Variants in CDH12 observed in about 807,000 individuals in gnomAD.
CDH12 encodes the protein cadherin-12.
In CDH12, 41 loss-of-function variants were observed where a neutral mutation model predicts 74.1. That is an observed-to-expected ratio of 0.55 (90% CI 0.43 to 0.72). The LOEUF (loss-of-function observed/expected upper bound fraction) is 0.72. Ranked by LOEUF, CDH12 falls within the 30% of genes least tolerant of loss-of-function variation. The pLI, the probability that CDH12 is intolerant of heterozygous loss-of-function variation, is 0.00. For missense variants in CDH12, 945 were observed against 977.2 expected (o/e 0.97, Z 0.44); for synonymous variants, 399 against 355.0 (o/e 1.12, Z -1.39).
intron 5 of CDH12, among the ~76,000 whole-genome samples, chr5:21,994,951 T>A (rs1328187861): frequency 1.3e-5 from 2 of 152,120 alleles, no homozygotes; most frequent in African/African-American, 2.4e-5. Context: ...GGGGTCCTCT[T>A]CTACACTGTG....
chr5:22,368,958 G>A (rs1316781173), intron 3 of CDH12, among the ~76,000 whole-genome samples: 4 of 151,868 alleles, frequency 2.6e-5, no homozygotes, highest in Non-Finnish European at 5.9e-5. Flanking sequence ...GTGAAACCCC[G>A]TCTCTACTAA....
In CDH12 at chr5:21,751,609, A is replaced by AAAGAGTGTGTGT. The variant is rs1554025828; in HGVS notation, c.*127_*128insACACACACTCTT. ...GGTAATCAAAGGAATCTTGTCCCAGAGTGTGTGTGTGTGTGTGTGTGTTTG... is the reference window on the plus strand; with the variant it reads ...GGTAATCAAAGGAATCTTGTCCCAGAAAGAGTGTGTGTGTGTGTGTGTGTGTGTGTGTGTTTG... On this transcript the variant is annotated 3_prime_UTR_variant, in exon 15 of 15. Transcript: ENST00000382254. The AAAGAGTGTGTGT allele has an allele frequency of 3.7e-4, 206 of 556,104 alleles. No homozygotes were observed. Among genetic ancestry groups the AAAGAGTGTGTGT allele is most frequent in the African/African-American group, 3.6e-3 (143 of 39,914 alleles). The allele number at this position is 556,104 out of a possible 1,614,324, so 34.4% of individuals were successfully genotyped here. A position where few individuals can be genotyped will look rare whatever the true frequency, so the allele number is the denominator to read the frequency against.
chr5:22,357,521 A>C (rs1740615805), intron 3 of CDH12, among the ~76,000 whole-genome samples: 1 of 152,160 alleles, frequency 6.6e-6, no homozygotes, highest in Non-Finnish European at 1.5e-5. Flanking sequence ...CTACCTAATG[A>C]AGGAATGGAG....
chr5:22,420,768 TA>T (rs1252131635), intron 2 of CDH12, among the ~76,000 whole-genome samples: 2 of 152,188 alleles, frequency 1.3e-5, no homozygotes, highest in South Asian at 2.1e-4. Flanking sequence ...ATTGAATCTA[TA>T]AATTACTTTC....
intron 6 of CDH12, among the ~76,000 whole-genome samples, chr5:21,920,202 T>C (rs539036126): frequency 1.6e-3 from 245 of 152,208 alleles, no homozygotes; most frequent in Non-Finnish European, 1.9e-3. Context: ...TTGGGATACA[T>C]CCATGAATAA....
At chr5:22,039,317 T>TA (rs1243742603) in intron 5 of CDH12, among the ~76,000 whole-genome samples, 1 of 152,096 alleles carries the variant, frequency 6.6e-6, no homozygotes, top group Non-Finnish European at 1.5e-5. Context: ...TCAAAAGCTA[T>TA]AATCTATACT....
At chr5:22,622,463 A>T (rs1738026362) in intron 1 of CDH12, among the ~76,000 whole-genome samples, 1 of 152,126 alleles carries the variant, frequency 6.6e-6, no homozygotes, top group Non-Finnish European at 1.5e-5. Context: ...CCCCAGATAC[A>T]TGCAATAAAA....
chr5:21,958,634 T>G (rs1445663722), intron 6 of CDH12, among the ~76,000 whole-genome samples: 2 of 152,148 alleles, frequency 1.3e-5, no homozygotes, highest in East Asian at 3.9e-4. Context: ...GGGTTCTTTA[T>G]TCTGTTCTAT....
intron 1 of CDH12, among the ~76,000 whole-genome samples, chr5:22,782,226 A>T (rs1237089657): frequency 6.6e-6 from 1 of 152,078 alleles, no homozygotes; most frequent in Non-Finnish European, 1.5e-5. Context: ...AGAACATGAG[A>T]TTTGGGAGGG....
At chr5:22,250,873 G>C (rs1018417977) in intron 3 of CDH12, among the ~76,000 whole-genome samples, 15 of 152,138 alleles carry the variant, frequency 9.9e-5, no homozygotes, top group African/African-American at 3.6e-4. Flanking sequence ...GATTATGACA[G>C]TGAATATAGG....
intron 1 of CDH12, among the ~76,000 whole-genome samples, chr5:22,713,584 GCGTA>G (rs1177436689): frequency 7.3e-6 from 1 of 137,882 alleles, no homozygotes; most frequent in African/African-American, 2.7e-5. Flanking sequence ...AATACACACT[GCGTA>G]AGTGTTTTCA....
At chr5:22,248,871 CAAAT>C (rs1189067050) in intron 3 of CDH12, among the ~76,000 whole-genome samples, 1 of 151,808 alleles carries the variant, frequency 6.6e-6, no homozygotes, top group East Asian at 1.9e-4. Context: ...ATTTATATTA[CAAAT>C]AAATATAAAA....
chr5:22,447,714 C>T (rs1744870691), intron 2 of CDH12, among the ~76,000 whole-genome samples: 1 of 152,010 alleles, frequency 6.6e-6, no homozygotes, highest in South Asian at 2.1e-4. Context: ...CTATTGCTAG[C>T]TTCTCAATTT....
chr5:22,359,806 T>C (rs1193223531), intron 3 of CDH12, among the ~76,000 whole-genome samples: 1 of 152,108 alleles, frequency 6.6e-6, no homozygotes, highest in Non-Finnish European at 1.5e-5. Context: ...ACATGGAAAC[T>C]GAACAACCTG....
intron 6 of CDH12, among the ~76,000 whole-genome samples, chr5:21,880,608 C>CTCTCT (rs1561268256): frequency 1.5e-5 from 1 of 65,734 alleles, no homozygotes; most frequent in African/African-American, 6.4e-5. Flanking sequence ...TCCTTCCTTC[C>CTCTCT]TTCCTTCCTT....
intron 1 of CDH12, among the ~76,000 whole-genome samples, chr5:22,694,614 A>G (rs1742253637): frequency 6.6e-6 from 1 of 151,984 alleles, no homozygotes; most frequent in Non-Finnish European, 1.5e-5. Context: ...TTTTTTATTT[A>G]GTTAATTGAA....
intron 5 of CDH12, among the ~76,000 whole-genome samples, chr5:22,057,893 A>G (rs990312399): frequency 2.6e-5 from 4 of 152,308 alleles, no homozygotes; most frequent in Middle Eastern, 3.4e-3. Flanking sequence ...AGGATTCACA[A>G]TGAAAGTCGC....
chr5:22,699,771 G>A (rs959417405), intron 1 of CDH12, among the ~76,000 whole-genome samples: 16 of 152,172 alleles, frequency 1.1e-4, no homozygotes, highest in African/African-American at 3.6e-4. Flanking sequence ...ACATTGAACT[G>A]AAAAGCCACA....
At chr5:22,150,786 C>A (rs1459117182) in intron 4 of CDH12, among the ~76,000 whole-genome samples, 1 of 152,068 alleles carries the variant, frequency 6.6e-6, no homozygotes, top group Non-Finnish European at 1.5e-5. Context: ...TTTACTAGTA[C>A]CTTTGTTAGA....
Sources: gnomAD v4.1 joint callset for allele counts (sites outside exome capture counted in the v4.1 genomes callset) on GRCh38, gnomAD v4.1.1 for gene constraint, MANE v1.5 for transcripts, NCBI Gene and HGNC (gene_info 2026-07-23, HGNC 2026-07-21) for gene names.